Variants in PITPNA observed in about 807,000 individuals in gnomAD.
PITPNA encodes the protein phosphatidylinositol transfer protein alpha isoform.
A neutral mutation model predicts 50.3 loss-of-function variants in PITPNA; 13 were observed. That is an observed-to-expected ratio of 0.26 (90% CI 0.17 to 0.41). The LOEUF is 0.41. Ranked by LOEUF, PITPNA falls within the 10% of genes least tolerant of loss-of-function variation. The pLI is 1.00. For missense variants in PITPNA, 207 were observed against 333.4 expected (o/e 0.62, Z 2.95); for synonymous variants, 120 against 119.6 (o/e 1.00, Z -0.02).
chr17:1,542,893 A>G, intron 5 of PITPNA, 127 bp downstream of exon 5: 1 of 691,036 alleles, frequency 1.4e-6, no homozygotes, highest in East Asian at 2.8e-5. Context: ...CACTGACAGG[A>G]CTGAGCCTCA....
chr17:1,521,447 C>T (rs1221934188), intron 11 of PITPNA, 132 bp downstream of exon 11: 8 of 682,854 alleles, frequency 1.2e-5, no homozygotes, highest in Non-Finnish European at 1.9e-5. Context: ...GGAGAGCTAT[C>T]GAGCGTGGCA....
chr17:1,541,916 C>A, intron 5 of PITPNA: 1 of 545,298 alleles, frequency 1.8e-6, no homozygotes, highest in South Asian at 1.6e-5. Context: ...TCACAGAGAT[C>A]GGGCCAGGCA....
intron 5 of PITPNA, chr17:1,541,868 C>T: frequency 3.2e-6 from 2 of 631,088 alleles, no homozygotes; most frequent in Non-Finnish European, 6.0e-6. Flanking sequence ...CCTCATTTTA[C>T]AGATGAGGTT....
intron 10 of PITPNA, among the ~76,000 whole-genome samples, chr17:1,521,905 G>A (rs1191926957): frequency 2.9e-5 from 4 of 139,208 alleles, no homozygotes; most frequent in Non-Finnish European, 4.6e-5. Flanking sequence ...GTAAAGAGGT[G>A]TGTGTGGGGG....
rs571919216 is a variant in PITPNA, at chr17:1,522,582, AG to A, written c.769-938del. The stretch of plus-strand genomic sequence containing the variant: ...GAGACGGGGTTTCACCATTTTGGCC[AG>A]GCTGATCTTGAACTCCTGACCTCAG... On this transcript the variant is annotated intron_variant, in intron 10 of 11. Coordinates refer to ENST00000313486, the MANE Select transcript of PITPNA (RefSeq NM_006224.4). 3.5e-3 allele frequency among the ~76,000 whole-genome samples: 526 copies of A among 152,002 alleles called. 2 individuals are homozygous for A. The highest frequency in any genetic ancestry group is 0.012 in the African/African-American group (493 of 41,416).
chr17:1,539,027 A>T, intron 6 of PITPNA, 75 bp from the exon 7 acceptor site: 1 of 848,516 alleles, frequency 1.2e-6, no homozygotes, highest in Admixed American at 2.1e-5. Flanking sequence ...ATGGACACCT[A>T]GGAACTGCCA....
intron 10 of PITPNA, among the ~76,000 whole-genome samples, chr17:1,523,899 TCCTCCCGCCATGG>T (rs1189880276): frequency 6.6e-6 from 1 of 152,078 alleles, no homozygotes; most frequent in Non-Finnish European, 1.5e-5. Context: ...ACTTAAGTAG[TCCTCCCGCCATGG>T]CCTCCCAAAG....
intron 3 of PITPNA, among the ~76,000 whole-genome samples, chr17:1,551,927 A>G (rs910389720): frequency 1.3e-5 from 2 of 150,220 alleles, no homozygotes; most frequent in African/African-American, 2.5e-5. Flanking sequence ...CCCGCTGGAC[A>G]GCGCTGCTCT....
At chr17:1,522,264 G>A (rs1049966582) in intron 10 of PITPNA, among the ~76,000 whole-genome samples, 2 of 151,118 alleles carry the variant, frequency 1.3e-5, no homozygotes, top group Admixed American at 6.6e-5. Flanking sequence ...GTAGAGACGG[G>A]GTTTCACCTT....
chr17:1,535,334 G>GCAGA (rs1567579362), intron 8 of PITPNA, 42 bp from the exon 9 acceptor site: 1 of 1,525,276 alleles, frequency 6.6e-7, no homozygotes, highest in South Asian at 1.1e-5. Flanking sequence ...GTAACAACGG[G>GCAGA]CAGACCTCAG....
chr17:1,548,602 A>C (rs1598411344), intron 3 of PITPNA, among the ~76,000 whole-genome samples: 1 of 152,232 alleles, frequency 6.6e-6, no homozygotes, highest in African/African-American at 2.4e-5. Flanking sequence ...CAGCCACCAG[A>C]AACAGGACCA....
intron 10 of PITPNA, among the ~76,000 whole-genome samples, chr17:1,530,641 C>T (rs891617544): frequency 1.3e-5 from 2 of 152,292 alleles, no homozygotes; most frequent in Admixed American, 6.5e-5. Context: ...CAGTTCATCA[C>T]GGTGCATGGA....
intron 7 of PITPNA, 65 bp from the exon 8 acceptor site, chr17:1,535,583 A>G (rs1322041060): frequency 4.1e-6 from 4 of 973,308 alleles, no homozygotes; most frequent in African/African-American, 3.2e-5. Context: ...TGGGGAGAAC[A>G]GATCTTTCAT....
intron 1 of PITPNA, among the ~76,000 whole-genome samples, chr17:1,560,817 A>G (rs2151015880): frequency 6.6e-6 from 1 of 152,332 alleles, no homozygotes; most frequent in Non-Finnish European, 1.5e-5. Context: ...ATCAGACTGG[A>G]TGTCAAGAAA....
At chr17:1,556,727 A>T (rs1041789761) in intron 2 of PITPNA, among the ~76,000 whole-genome samples, 1 of 152,070 alleles carries the variant, frequency 6.6e-6, no homozygotes, top group Non-Finnish European at 1.5e-5. Context: ...CCTCCCCAAG[A>T]GCTGAGTTTG....
Position 1,562,525 on chromosome 17 carries a change from G to A in PITPNA, c.20+16C>T, listed in dbSNP as rs1212491136. On this transcript the variant is annotated intron_variant, in intron 1 of 11. Coordinates refer to ENST00000313486, the MANE Select transcript of PITPNA (RefSeq NM_006224.4). The surrounding 1 kb of genome is among the most constrained non-coding windows in gnomAD (Gnocchi z 6.4). ...CCTCCCTCCTCCCCGCTTCCGCACG[G>A]CCGCCGGACACTCACTACTCCTTGA... 2.1e-6 allele frequency: 3 copies of A among 1,432,310 alleles called. No homozygotes were observed. Among genetic ancestry groups the A allele is most frequent in the South Asian group, 1.4e-5 (1 of 70,862 alleles). 88.7% of individuals were successfully genotyped at this position (1,432,310 alleles called of 1,614,324 possible). A position where few individuals can be genotyped will look rare whatever the true frequency, so the allele number is the denominator to read the frequency against.
Position 1,541,575 on chromosome 17 carries a change from C to T in PITPNA, c.363G>A (p.Thr121=), listed in dbSNP as rs748271973. 22 of 1,611,820 alleles carry T rather than the reference C, an allele frequency of 1.4e-5. No individual in the cohort carries two copies. Among genetic ancestry groups the T allele is most frequent in the East Asian group, 8.9e-5 (4 of 44,880 alleles). The change falls in exon 6 of 12, where the codon ACG becomes ACA. Residue 121 remains threonine (T), a synonymous_variant. Coordinates refer to ENST00000313486, the MANE Select transcript of PITPNA (RefSeq NM_006224.4). The part of the protein sequence containing the change: ...IETWHKPDLG[T]QENVHKLEPE... ...GGGAACTACTACTCACATTCTCCTG[C>T]GTGCCAAGATCTGGTTTGTGCCAGG...
intron 11 of PITPNA, among the ~76,000 whole-genome samples, chr17:1,521,203 G>A (rs969233540): frequency 6.6e-6 from 1 of 152,236 alleles, no homozygotes; most frequent in African/African-American, 2.4e-5. Flanking sequence ...CAAGGGGGAA[G>A]GGCAGGTAAT....
chr17:1,524,009 T>C (rs114254793), intron 10 of PITPNA, among the ~76,000 whole-genome samples: 6,709 of 151,520 alleles, frequency 0.044, 513 homozygotes, highest in African/African-American at 0.15. Context: ...AGTAAGTTAC[T>C]GCAATGCTCT....
Sources: allele counts gnomAD v4.1 joint callset (sites outside exome capture counted in the v4.1 genomes callset), GRCh38; gene constraint gnomAD v4.1.1; non-coding constraint Gnocchi (gnomAD v3.1); transcripts MANE v1.5; gene names NCBI Gene and HGNC (gene_info 2026-07-23, HGNC 2026-07-21).